The following ANGPTL5 variants were observed in gnomAD, a reference collection of about 807,000 sequenced individuals.
The protein encoded by ANGPTL5 is angiopoietin-related protein 5.
In ANGPTL5, 34 loss-of-function variants were observed where a neutral mutation model predicts 39.4. The observed-to-expected ratio is 0.86, with a 90% CI of 0.66 to 1.15. The LOEUF is 1.15. Among genes scored for constraint, ANGPTL5 ranks in the 50% most tolerant of loss-of-function variants. The pLI is 0.00. For synonymous variants in ANGPTL5, 146 were observed against 152.1 expected, an observed-to-expected ratio of 0.96 and a Z score of 0.29; for missense variants, 467 against 457.5, an observed-to-expected ratio of 1.02 and a Z score of -0.19.
intron 7 of ANGPTL5, among the ~76,000 whole-genome samples, chr11:101,899,996 C>T (rs1420034284): frequency 6.6e-6 from 1 of 152,028 alleles, no homozygotes; most frequent in Non-Finnish European, 1.5e-5. Context: ...TAATAATATG[C>T]TCAGTTTAAA....
At chr11:101,901,095 T>G (rs1188801341) in intron 6 of ANGPTL5, among the ~76,000 whole-genome samples, 1 of 149,604 alleles carries the variant, frequency 6.7e-6, no homozygotes, top group Non-Finnish European at 1.5e-5. Flanking sequence ...GCCAGGATGG[T>G]CTCGATCTCC....
chr11:101,894,176 T>C (rs996474672), intron 8 of ANGPTL5, among the ~76,000 whole-genome samples: 3 of 152,220 alleles, frequency 2.0e-5, no homozygotes, highest in Admixed American at 6.5e-5. Context: ...TTCCCCTTTA[T>C]ATTGGGAGCA....
chr11:101,891,729 G>T, intron 8 of ANGPTL5, 131 bp from the exon 9 acceptor site: 1 of 945,502 alleles, frequency 1.1e-6, no homozygotes, highest in Non-Finnish European at 1.6e-6. Context: ...TGTTTATCAT[G>T]TTAAAATTCT....
At chr11:101,906,852 C>G (rs1016321038) in intron 3 of ANGPTL5, among the ~76,000 whole-genome samples, 3 of 152,030 alleles carry the variant, frequency 2.0e-5, no homozygotes, top group African/African-American at 4.8e-5. Context: ...AGGTCTAAAG[C>G]TGCACTCATT....
chr11:101,901,296 G>A (rs1939895196), intron 6 of ANGPTL5, among the ~76,000 whole-genome samples: 2 of 151,006 alleles, frequency 1.3e-5, no homozygotes, highest in African/African-American at 2.4e-5. Context: ...ACTAAATTTT[G>A]AATTAAAACA....
At chr11:101,904,645 C>T (rs1358995980) in intron 5 of ANGPTL5, among the ~76,000 whole-genome samples, 169 bp downstream of exon 5, 1 of 152,190 alleles carries the variant, frequency 6.6e-6, no homozygotes. Context: ...TAAGAAAGTA[C>T]ACGTTGTCTA....
At chr11:101,912,961 C>A (rs1565344491) in intron 1 of ANGPTL5, among the ~76,000 whole-genome samples, 2 of 152,212 alleles carry the variant, frequency 1.3e-5, no homozygotes, top group South Asian at 2.1e-4. Flanking sequence ...GTCATGCACT[C>A]CTACACTTAA....
intron 1 of ANGPTL5, among the ~76,000 whole-genome samples, chr11:101,913,372 G>A (rs962137850): frequency 6.6e-6 from 1 of 152,222 alleles, no homozygotes; most frequent in South Asian, 2.1e-4. Context: ...AATATTCATA[G>A]CTCCTCCTAT....
chr11:101,897,183 C>T (rs187016815), intron 7 of ANGPTL5, among the ~76,000 whole-genome samples: 48 of 152,254 alleles, frequency 3.2e-4, no homozygotes, highest in Non-Finnish European at 5.3e-4. Flanking sequence ...ATATCCTTTG[C>T]CCACTTTTTG....
intron 1 of ANGPTL5, among the ~76,000 whole-genome samples, chr11:101,910,646 T>C (rs1940076650): frequency 6.6e-6 from 1 of 152,092 alleles, no homozygotes; most frequent in African/African-American, 2.4e-5. Context: ...ATCTTAGTAA[T>C]GGCAACACAC....
At chr11:101,915,486 C>T (rs1397590946) in intron 1 of ANGPTL5, 1 of 1,539,410 alleles carries the variant, frequency 6.5e-7, no homozygotes, top group African/African-American at 1.4e-5. Context: ...ATTAGATTCC[C>T]ATTACCTTTG....
chr11:101,892,268 C>G (rs947061657), intron 8 of ANGPTL5, among the ~76,000 whole-genome samples: 4 of 131,122 alleles, frequency 3.1e-5, no homozygotes, highest in Non-Finnish European at 6.4e-5. Flanking sequence ...TTGCTCTTGT[C>G]CCCCCAGTCT....
chr11:101,912,780 G>C (rs1272600966), intron 1 of ANGPTL5, among the ~76,000 whole-genome samples: 1 of 152,174 alleles, frequency 6.6e-6, no homozygotes, highest in Non-Finnish European at 1.5e-5. Context: ...CAGCCATAAT[G>C]GGATGGAAGG....
At chr11:101,900,378 TATA>T in intron 7 of ANGPTL5, 49 bp downstream of exon 7, 11 of 1,563,538 alleles carry the variant, frequency 7.0e-6, no homozygotes, top group Non-Finnish European at 9.7e-6. Flanking sequence ...GCTCTATAGA[TATA>T]ATATCAAAAA....
At chr11:101,894,539 C>A (rs1939757539) in intron 8 of ANGPTL5, among the ~76,000 whole-genome samples, 1 of 152,160 alleles carries the variant, frequency 6.6e-6, no homozygotes, top group African/African-American at 2.4e-5. Flanking sequence ...GACTAGAGAT[C>A]ATCTCTAACA....
intron 7 of ANGPTL5, 111 bp from the exon 8 acceptor site, chr11:101,895,175 T>A: frequency 1.1e-6 from 1 of 928,208 alleles, no homozygotes; most frequent in Non-Finnish European, 1.6e-6. Flanking sequence ...ATGGCTCAGA[T>A]AAGTAATTAA....
At chr11:101,903,315 T>C (rs1359768933) in intron 5 of ANGPTL5, among the ~76,000 whole-genome samples, 1 of 152,118 alleles carries the variant, frequency 6.6e-6, no homozygotes, top group Admixed American at 6.5e-5. Flanking sequence ...CATAATCACC[T>C]TCTCCAAAGC....
At position 101,895,174 on chromosome 11, in the gene ANGPTL5, A is replaced by G. The variant is rs1939770704; in HGVS notation, c.662-110T>C. ...TTTCAAAAACTCTGAGATGGCTCAG[A>G]TAAGTAATTAAAGGCACTGGATGAC... On this transcript the variant is annotated intron_variant, in intron 7 of 8. Coordinates refer to ENST00000334289, the MANE Select transcript of ANGPTL5 (RefSeq NM_178127.5). The G allele has an allele frequency of 1.7e-5, 16 of 940,426 alleles. No homozygotes were observed. The South Asian group carries it at 3.0e-4, about 18-fold the overall frequency. The allele number at this position is 940,426 out of a possible 1,614,324, so 58.3% of individuals were successfully genotyped here. A position where few individuals can be genotyped will look rare whatever the true frequency, so the allele number is the denominator to read the frequency against.
intron 3 of ANGPTL5, 60 bp downstream of exon 3, chr11:101,907,043 G>T: frequency 7.7e-7 from 1 of 1,297,288 alleles, no homozygotes; most frequent in Non-Finnish European, 1.1e-6. Flanking sequence ...ACTTTTCAGT[G>T]TCTACCCTAA....
Sources: gnomAD v4.1 joint callset for allele counts (sites outside exome capture counted in the v4.1 genomes callset) on GRCh38, gnomAD v4.1.1 for gene constraint, MANE v1.5 for transcripts, NCBI Gene and HGNC (gene_info 2026-07-23, HGNC 2026-07-21) for gene names.